Variants in GABBR2 observed in about 807,000 individuals in gnomAD.
GABBR2 encodes the protein G-protein coupled receptor 51.
Under a neutral mutation model 105.6 loss-of-function variants are expected in GABBR2, and 23 were observed. The observed-to-expected ratio is 0.22, with a 90% CI of 0.16 to 0.31. The LOEUF is 0.31. Ranked by LOEUF, GABBR2 falls within the 10% of genes least tolerant of loss-of-function variation. The probability of loss-of-function intolerance (pLI) is 1.00; values close to 1 mark genes in which losing one functional copy is unlikely to be tolerated. For missense variants in GABBR2, 734 were observed against 1,245.5 expected (o/e 0.59, Z 6.18); for synonymous variants, 478 against 499.7 (o/e 0.96, Z 0.58).
chr9:98,696,352 G>A (rs1469908712), intron 1 of GABBR2, among the ~76,000 whole-genome samples: 2 of 152,236 alleles, frequency 1.3e-5, no homozygotes, highest in African/African-American at 2.4e-5. Flanking sequence ...GCAATGCTGG[G>A]AGTGGGCAGG....
At chr9:98,474,357 A>G (rs1401285994) in intron 5 of GABBR2, among the ~76,000 whole-genome samples, 1 of 152,074 alleles carries the variant, frequency 6.6e-6, no homozygotes, top group East Asian at 1.9e-4. Flanking sequence ...TATCAGGAAA[A>G]TCATGGTTTT....
chr9:98,386,212 G>GTTTT lies in GABBR2; in HGVS notation c.1530-444_1530-441dup, dbSNP rs201485919. On this transcript the variant is annotated intron_variant, in intron 10 of 18. Transcript: ENST00000259455. ...TTAAACAAAAGCATTAAGTCAACAG[G>GTTTT]TTTTTTTTTTTTTTTTTGGCTGGAA... Among the ~76,000 whole-genome samples, 1,337 of 136,428 alleles carry GTTTT rather than the reference G, an allele frequency of 9.8e-3. 32 individuals carry two copies. Among genetic ancestry groups the GTTTT allele is most frequent in the African/African-American group, 0.034 (1,251 of 36,946 alleles). The allele number at this position is 136,428 out of a possible 152,430, so 89.5% of individuals were successfully genotyped here.
At chr9:98,321,500 A>G (rs1334832371) in intron 13 of GABBR2, among the ~76,000 whole-genome samples, 1 of 152,186 alleles carries the variant, frequency 6.6e-6, no homozygotes, top group East Asian at 1.9e-4. Context: ...GGGTGCAACC[A>G]GTGGCTGAAC....
intron 7 of GABBR2, among the ~76,000 whole-genome samples, chr9:98,427,906 C>T (rs1227560077): frequency 1.3e-5 from 2 of 152,200 alleles, no homozygotes; most frequent in Non-Finnish European, 2.9e-5. Flanking sequence ...AAGCAAACCT[C>T]CCAGCACTAG....
intron 6 of GABBR2, among the ~76,000 whole-genome samples, chr9:98,472,186 T>C (rs16916325): frequency 0.045 from 6,894 of 152,330 alleles, 225 homozygotes; most frequent in East Asian, 0.14. Context: ...AAAAGACTTA[T>C]GTGCATTGCT....
At chr9:98,379,938 G>T (rs535983282) in intron 11 of GABBR2, among the ~76,000 whole-genome samples, 1 of 151,926 alleles carries the variant, frequency 6.6e-6, no homozygotes, top group South Asian at 2.1e-4. Context: ...GGCTGGGATA[G>T]GTGGTTACCA....
At chr9:98,363,325 T>C (rs1831621054) in intron 12 of GABBR2, among the ~76,000 whole-genome samples, 3 of 152,186 alleles carry the variant, frequency 2.0e-5, no homozygotes. Flanking sequence ...ATGAGAGGAA[T>C]AGCTAACATT....
intron 11 of GABBR2, among the ~76,000 whole-genome samples, chr9:98,382,342 C>G (rs2131482302): frequency 6.6e-6 from 1 of 152,256 alleles, no homozygotes; most frequent in Admixed American, 6.5e-5. Flanking sequence ...GAGACCGAGT[C>G]TCGCTCTGTC....
At chr9:98,518,868 G>A (rs1282228167) in intron 3 of GABBR2, among the ~76,000 whole-genome samples, 3 of 152,232 alleles carry the variant, frequency 2.0e-5, no homozygotes, top group African/African-American at 7.2e-5. Flanking sequence ...TGTGCCCTGG[G>A]AGGGAGCGGT....
intron 1 of GABBR2, among the ~76,000 whole-genome samples, chr9:98,697,970 T>C (rs1210900268): frequency 6.6e-6 from 1 of 152,252 alleles, no homozygotes; most frequent in African/African-American, 2.4e-5. Context: ...TGAATGGTAG[T>C]TCTAGAAACA....
At chr9:98,570,648 C>T (rs1303920020) in intron 2 of GABBR2, among the ~76,000 whole-genome samples, 1 of 152,180 alleles carries the variant, frequency 6.6e-6, no homozygotes, top group African/African-American at 2.4e-5. Flanking sequence ...GGGAGATCTG[C>T]AGGACTGCCC....
intron 6 of GABBR2, among the ~76,000 whole-genome samples, chr9:98,455,223 T>C (rs966959577): frequency 2.0e-5 from 3 of 152,240 alleles, no homozygotes; most frequent in Admixed American, 6.5e-5. Flanking sequence ...AACATTTTGA[T>C]TGTGGCCACA....
chr9:98,441,279 A>G (rs1252907740), intron 7 of GABBR2, among the ~76,000 whole-genome samples: 2 of 147,202 alleles, frequency 1.4e-5, no homozygotes, highest in South Asian at 2.2e-4. Context: ...TTGCTCTATC[A>G]TAATAAATAA....
chr9:98,674,694 C>T lies in GABBR2; in HGVS notation c.321+33723G>A, dbSNP rs564228312. ...GACAAGAAGAGAGGCTACAAGGTGGCGGCCCAGCATGGTGGGGCCAAACTG... is the reference window on the plus strand; with the variant it reads ...GACAAGAAGAGAGGCTACAAGGTGGTGGCCCAGCATGGTGGGGCCAAACTG... On this transcript the variant is annotated intron_variant, in intron 1 of 18. Transcript: ENST00000259455. 2.0e-3 allele frequency among the ~76,000 whole-genome samples: 311 copies of T among 152,238 alleles called. 1 individual carries two copies. The highest frequency in any genetic ancestry group is 6.7e-3 in the African/African-American group (277 of 41,534).
chr9:98,488,481 GAC>G (rs1299657078), intron 4 of GABBR2, among the ~76,000 whole-genome samples: 4 of 152,176 alleles, frequency 2.6e-5, no homozygotes, highest in Non-Finnish European at 5.9e-5. Flanking sequence ...AAATGGCACA[GAC>G]ATATTTTCTT....
chr9:98,453,305 C>T (rs1392614527), intron 7 of GABBR2, among the ~76,000 whole-genome samples: 1 of 152,224 alleles, frequency 6.6e-6, no homozygotes. Flanking sequence ...GGATTACAGG[C>T]GTGAGCCACC....
intron 1 of GABBR2, among the ~76,000 whole-genome samples, chr9:98,651,351 C>A (rs577406547): frequency 5.4e-4 from 82 of 152,160 alleles, no homozygotes; most frequent in Non-Finnish European, 9.1e-4. Flanking sequence ...ACCATGTTGG[C>A]CAGGCTGGTC....
In GABBR2 at chr9:98,473,255, G is replaced by C. The variant is rs1329465359; in HGVS notation, c.890C>G (p.Ala297Gly). 1.2e-6 allele frequency: 2 copies of C among 1,613,442 alleles called. No individual in the cohort carries two copies. Among genetic ancestry groups the C allele is most frequent in the Non-Finnish European group, 1.7e-6 (2 of 1,179,638 alleles). The change falls in exon 6 of 19, where the codon GCC becomes GGC. Residue 297 changes from alanine to glycine, a missense_variant. By Grantham distance (60) the Ala-to-Gly change is moderately conservative. Around this residue, in one of 7 missense-constraint regions of GABBR2, gnomAD observed 370 missense variants for 648.9 expected, o/e 0.57. Coordinates refer to ENST00000259455, the MANE Select transcript of GABBR2 (RefSeq NM_005458.8). ...PSWWEQVHTEANSSRCLRKNL... is the reference protein window; with the variant it reads ...PSWWEQVHTEGNSSRCLRKNL... Reference sequence around the variant, plus strand: ...CTTCCGGAGGCAGCGGGATGAGTTGGCTTCCGTGTGCACCTGCTCCCACCA... The same window carrying C: ...CTTCCGGAGGCAGCGGGATGAGTTGCCTTCCGTGTGCACCTGCTCCCACCA...
rs1449899095 is a variant in GABBR2 at position 98,420,572 on chromosome 9, G to A, written c.1237-14431C>T. On this transcript the variant is annotated intron_variant, in intron 7 of 18. Coordinates refer to ENST00000259455, the MANE Select transcript of GABBR2 (RefSeq NM_005458.8). Reference sequence around the variant, plus strand: ...AAGACTTAGTCCCTGCCCTCAGGAAGCCCACAGTCTAGTGGAGGAGACAGA... The same window carrying A: ...AAGACTTAGTCCCTGCCCTCAGGAAACCCACAGTCTAGTGGAGGAGACAGA... Among the ~76,000 whole-genome samples, 3 of 152,248 alleles carry A rather than the reference G, an allele frequency of 2.0e-5. 1 individual carries two copies. Among genetic ancestry groups the A allele is most frequent in the Non-Finnish European group, 2.9e-5 (2 of 68,048 alleles).
Sources: gnomAD v4.1 joint callset for allele counts (sites outside exome capture counted in the v4.1 genomes callset) on GRCh38, gnomAD v4.1.1 for gene constraint, gnomAD v4.1.1 regional missense constraint, MANE v1.5 for transcripts, NCBI Gene and HGNC (gene_info 2026-07-23, HGNC 2026-07-21) for gene names.